Variants in PLPPR1 observed in about 807,000 individuals in gnomAD.
PLPPR1 encodes phospholipid phosphatase-related protein type 1.
PLPPR1 carries 10 observed loss-of-function variants against 33.1 expected under a neutral mutation model. The ratio of observed to expected loss-of-function variants is 0.30; its 90% CI spans 0.19 to 0.51. PLPPR1 has a LOEUF of 0.51. PLPPR1 is among the 20% of genes least tolerant of loss of function. The pLI, the probability that PLPPR1 is intolerant of heterozygous loss-of-function variation, is 0.97. For synonymous variants in PLPPR1, 151 were observed against 151.0 expected (o/e 1.00, Z 0.00); for missense variants, 304 against 408.1 (o/e 0.74, Z 2.20).
chr9:101,142,730 C>T (rs1280281138), intron 1 of PLPPR1, among the ~76,000 whole-genome samples: 1 of 152,112 alleles, frequency 6.6e-6, no homozygotes, highest in Non-Finnish European at 1.5e-5. Context: ...TTAATTCCTT[C>T]ATTTGGCTGC....
At chr9:101,267,055 A>G (rs1395111578) in intron 2 of PLPPR1, among the ~76,000 whole-genome samples, 6 of 152,186 alleles carry the variant, frequency 3.9e-5, no homozygotes, top group African/African-American at 1.2e-4. Flanking sequence ...TTCCAGCCAC[A>G]TGGATGAGAC....
At chr9:101,044,169 AAAAC>A (rs562225466) in intron 1 of PLPPR1, among the ~76,000 whole-genome samples, 12 of 152,332 alleles carry the variant, frequency 7.9e-5, no homozygotes, top group Middle Eastern at 3.4e-3. Flanking sequence ...ATTAGCAAGA[AAAAC>A]AAACAAACAA....
chr9:101,115,850 A>G (rs1831111874), intron 1 of PLPPR1, among the ~76,000 whole-genome samples: 1 of 152,218 alleles, frequency 6.6e-6, no homozygotes, highest in Non-Finnish European at 1.5e-5. Flanking sequence ...GAATTCCCTC[A>G]GATTCAACTA....
intron 1 of PLPPR1, among the ~76,000 whole-genome samples, chr9:101,113,092 T>C (rs1831076385): frequency 6.6e-6 from 1 of 152,362 alleles, no homozygotes; most frequent in Middle Eastern, 3.4e-3. Context: ...GGCTGTGTTA[T>C]TCTTTTAGAC....
intron 1 of PLPPR1, among the ~76,000 whole-genome samples, chr9:101,073,194 A>G (rs147286014): frequency 1.1e-3 from 160 of 152,262 alleles, no homozygotes; most frequent in African/African-American, 3.8e-3. Context: ...TTGCTGTGTT[A>G]TTTCTCAAAG....
chr9:101,243,939 A>C (rs1368746366), intron 2 of PLPPR1, among the ~76,000 whole-genome samples: 1 of 151,922 alleles, frequency 6.6e-6, no homozygotes, highest in Non-Finnish European at 1.5e-5. Flanking sequence ...TTGATGGTAG[A>C]ACCCTGGAAA....
intron 2 of PLPPR1, among the ~76,000 whole-genome samples, chr9:101,264,456 C>CCCAACCAGT (rs1345615177): frequency 2.6e-5 from 4 of 152,166 alleles, no homozygotes; most frequent in Admixed American, 6.5e-5. Context: ...CAAGTCCCCT[C>CCCAACCAGT]CCAACCAGTT....
chr9:101,319,325 C>T (rs571349433), intron 7 of PLPPR1, among the ~76,000 whole-genome samples: 26 of 152,270 alleles, frequency 1.7e-4, no homozygotes, highest in Non-Finnish European at 2.8e-4. Context: ...TACAGGCACG[C>T]GCCACCACGC....
intron 2 of PLPPR1, among the ~76,000 whole-genome samples, chr9:101,189,359 CA>C (rs985223152): frequency 3.3e-5 from 5 of 152,160 alleles, no homozygotes; most frequent in African/African-American, 7.2e-5. Context: ...AAAATTTTAT[CA>C]TACAGATGAA....
chr9:101,051,902 A>C (rs1479603182), intron 1 of PLPPR1, among the ~76,000 whole-genome samples: 1 of 152,204 alleles, frequency 6.6e-6, no homozygotes, highest in Admixed American at 6.5e-5. Context: ...TAAAAAAATA[A>C]AATGATATTA....
chr9:101,085,605 C>T (rs377706289), intron 1 of PLPPR1, among the ~76,000 whole-genome samples: 15 of 151,966 alleles, frequency 9.9e-5, no homozygotes, highest in East Asian at 7.7e-4. Flanking sequence ...GGGGAAAAAG[C>T]GATAGAAAAA....
At position 101,213,645 on chromosome 9, in the gene PLPPR1, T is replaced by C. The variant is rs539898404; in HGVS notation, c.63+28088T>C. On this transcript the variant is annotated intron_variant, in intron 2 of 7. Transcript: ENST00000374874. ...ATATCTTAGCATTTTGTTTATAGGA[T>C]ACTCTTTATCAATTCCTACTTTATA... Among the ~76,000 whole-genome samples the C allele has an allele frequency of 1.1e-4, 16 of 152,310 alleles. No homozygotes were observed. The South Asian group carries it at 3.3e-3, about 32-fold the overall frequency.
intron 1 of PLPPR1, among the ~76,000 whole-genome samples, chr9:101,132,790 C>T (rs1293473592): frequency 6.6e-6 from 1 of 152,148 alleles, no homozygotes; most frequent in Non-Finnish European, 1.5e-5. Context: ...CTAAACCTTC[C>T]TCCCAATTTT....
chr9:101,149,459 C>A (rs912692614), intron 1 of PLPPR1, among the ~76,000 whole-genome samples: 2 of 152,132 alleles, frequency 1.3e-5, no homozygotes, highest in Non-Finnish European at 2.9e-5. Flanking sequence ...ATGTGTGCAC[C>A]AGATATTCCA....
chr9:101,063,408 C>A (rs1194807521), intron 1 of PLPPR1, among the ~76,000 whole-genome samples: 1 of 151,958 alleles, frequency 6.6e-6, no homozygotes, highest in Non-Finnish European at 1.5e-5. Context: ...TTGTGAGTAC[C>A]CTTCTAGTGG....
chr9:101,122,554 C>T (rs1205792320), intron 1 of PLPPR1, among the ~76,000 whole-genome samples: 1 of 151,944 alleles, frequency 6.6e-6, no homozygotes, highest in Non-Finnish European at 1.5e-5. Flanking sequence ...TAATTTAAAA[C>T]AAAACAAAAA....
chr9:101,320,687 GGATA>G (rs1225350373), intron 7 of PLPPR1, among the ~76,000 whole-genome samples: 3 of 152,114 alleles, frequency 2.0e-5, no homozygotes, highest in African/African-American at 7.2e-5. Flanking sequence ...GTTTCCACAT[GGATA>G]GTTAGAAAGA....
chr9:101,271,637 C>A (rs7035407), intron 3 of PLPPR1, among the ~76,000 whole-genome samples: 51,486 of 151,916 alleles, frequency 0.34, 8,761 homozygotes, highest in African/African-American at 0.39. Context: ...AACTAGGAGG[C>A]CAGACTCGGT....
chr9:101,233,438 G>A (rs1827230701), intron 2 of PLPPR1, among the ~76,000 whole-genome samples: 1 of 151,956 alleles, frequency 6.6e-6, no homozygotes, highest in African/African-American at 2.4e-5. Flanking sequence ...TGTGCCTTGG[G>A]CCCTACCAGA....
Sources: gnomAD v4.1 joint callset for allele counts (sites outside exome capture counted in the v4.1 genomes callset) on GRCh38, gnomAD v4.1.1 for gene constraint, MANE v1.5 for transcripts, NCBI Gene and HGNC (gene_info 2026-07-23, HGNC 2026-07-21) for gene names.